Variants in GLRA1 observed in about 807,000 individuals in gnomAD.
The protein encoded by GLRA1 is glycine receptor subunit alpha-1.
In GLRA1, 37 loss-of-function variants were observed where a neutral mutation model predicts 48.3. The ratio of observed to expected loss-of-function variants is 0.77; its 90% CI spans 0.59 to 1.01. The LOEUF (loss-of-function observed/expected upper bound fraction) is 1.01. GLRA1 is among the 50% of genes least tolerant of loss of function. The probability of loss-of-function intolerance (pLI) is 0.00; values close to 1 mark genes in which losing one functional copy is unlikely to be tolerated. For synonymous variants in GLRA1, 196 were observed against 210.7 expected, an observed-to-expected ratio of 0.93 and a Z score of 0.60; for missense variants, 427 against 571.0, an observed-to-expected ratio of 0.75 and a Z score of 2.57.
At chr5:151,895,325 A>G (rs1437721042) in intron 1 of GLRA1, among the ~76,000 whole-genome samples, 1 of 152,098 alleles carries the variant, frequency 6.6e-6, no homozygotes, top group East Asian at 1.9e-4. Context: ...GCTTCTGTAG[A>G]TGTATGTCTG....
chr5:151,922,983 G>T (rs1754917383), intron 1 of GLRA1, among the ~76,000 whole-genome samples: 1 of 152,186 alleles, frequency 6.6e-6, no homozygotes, highest in Non-Finnish European at 1.5e-5. Context: ...AGGGGATAAA[G>T]GATCTCATAT....
intron 7 of GLRA1, among the ~76,000 whole-genome samples, chr5:151,830,991 C>T (rs1763406733): frequency 6.6e-6 from 1 of 152,194 alleles, no homozygotes; most frequent in Non-Finnish European, 1.5e-5. Flanking sequence ...GTGCAGCCCA[C>T]AGAAGGTGAG....
intron 2 of GLRA1, among the ~76,000 whole-genome samples, chr5:151,890,521 T>G (rs183018981): frequency 6.6e-6 from 1 of 152,314 alleles, no homozygotes; most frequent in East Asian, 1.9e-4. Context: ...AGTGTTTGAT[T>G]TGGCCAACAG....
At chr5:151,871,991 A>C (rs1354353981) in intron 3 of GLRA1, among the ~76,000 whole-genome samples, 1 of 149,862 alleles carries the variant, frequency 6.7e-6, no homozygotes, top group Non-Finnish European at 1.5e-5. Context: ...CAGACATAGA[A>C]ATATAATGAG....
chr5:151,914,056 T>A (rs1393607803), intron 1 of GLRA1, among the ~76,000 whole-genome samples: 3 of 152,238 alleles, frequency 2.0e-5, no homozygotes, highest in Non-Finnish European at 1.5e-5. Flanking sequence ...CAAATATGTA[T>A]TTGTAGTGTA....
At chr5:151,900,220 A>T (rs532766707) in intron 1 of GLRA1, among the ~76,000 whole-genome samples, 1 of 152,006 alleles carries the variant, frequency 6.6e-6, no homozygotes, top group African/African-American at 2.4e-5. Flanking sequence ...ATAAATGCCA[A>T]CCCTGCACTT....
At chr5:151,825,660 T>C (rs942586051) in intron 8 of GLRA1, among the ~76,000 whole-genome samples, 1 of 152,200 alleles carries the variant, frequency 6.6e-6, no homozygotes, top group African/African-American at 2.4e-5. Context: ...GTATGCCTGC[T>C]GAGTCTGGTG....
chr5:151,909,114 T>A (rs1408502763), intron 1 of GLRA1, among the ~76,000 whole-genome samples: 2 of 152,202 alleles, frequency 1.3e-5, no homozygotes, highest in African/African-American at 4.8e-5. Flanking sequence ...TAAATATATG[T>A]TATTCATATT....
At position 151,924,802 on chromosome 5, in the gene GLRA1, G is replaced by C. The variant is rs1279347843; in HGVS notation, c.-253C>G. The stretch of plus-strand genomic sequence containing the variant: ...GACCTGCTTTTCAGGAGCGCGAAGA[G>C]TATTGCTGTTTGTTAAACTCCAGCG... On this transcript the variant is annotated 5_prime_UTR_variant, in exon 1 of 9. Transcript: ENST00000274576. 3.6e-6 allele frequency: 2 copies of C among 554,434 alleles called. No homozygotes were observed. The highest frequency in any genetic ancestry group is 6.5e-6 in the Non-Finnish European group (2 of 308,116). The allele number at this position is 554,434 out of a possible 1,614,324, so 34.3% of individuals were successfully genotyped here. A position where few individuals can be genotyped will look rare whatever the true frequency, so the allele number is the denominator to read the frequency against.
chr5:151,852,959 A>G (rs935003398), intron 6 of GLRA1, among the ~76,000 whole-genome samples: 1 of 152,224 alleles, frequency 6.6e-6, no homozygotes, highest in African/African-American at 2.4e-5. Flanking sequence ...AAGATGGAGG[A>G]CATTTTTATA....
intron 4 of GLRA1, 58 bp from the exon 5 acceptor site, chr5:151,856,441 T>A: frequency 9.3e-7 from 1 of 1,076,798 alleles, no homozygotes; most frequent in Non-Finnish European, 1.4e-6. Context: ...AGGCTGTGCC[T>A]CTATTCTAGT....
intron 8 of GLRA1, among the ~76,000 whole-genome samples, chr5:151,826,766 G>A (rs776224755): frequency 6.6e-6 from 1 of 152,148 alleles, no homozygotes; most frequent in African/African-American, 2.4e-5. Flanking sequence ...GCCTTTGAAA[G>A]TACCATAGGC....
intron 3 of GLRA1, among the ~76,000 whole-genome samples, chr5:151,865,780 C>T (rs550398028): frequency 7.2e-5 from 11 of 152,048 alleles, no homozygotes; most frequent in Non-Finnish European, 1.3e-4. Flanking sequence ...GAGCGAGAGA[C>T]GGAGAATGTA....
At chr5:151,885,664 G>A (rs1010548374) in intron 3 of GLRA1, among the ~76,000 whole-genome samples, 24 of 152,222 alleles carry the variant, frequency 1.6e-4, no homozygotes, top group Admixed American at 1.1e-3. Context: ...CCTGGCTGGA[G>A]AGCTGTAAGC....
rs764921483 is a variant in GLRA1, at chr5:151,859,765, T to C, written c.476+20A>G. ...AGACATGTTCTGAGCAGGGAGTGGGTGAACCTGGTCAGAACTCACCTGATG... is the reference window on the plus strand; with the variant it reads ...AGACATGTTCTGAGCAGGGAGTGGGCGAACCTGGTCAGAACTCACCTGATG... On this transcript the variant is annotated intron_variant, in intron 4 of 8. Coordinates refer to ENST00000274576, the MANE Select transcript of GLRA1 (RefSeq NM_000171.4). The C allele has an allele frequency of 2.7e-5, 41 of 1,537,966 alleles. No individual in the cohort carries two copies. The highest frequency in any genetic ancestry group is 3.2e-5 in the Non-Finnish European group (36 of 1,110,692).
chr5:151,917,266 G>A (rs898358619), intron 1 of GLRA1, among the ~76,000 whole-genome samples: 9 of 152,142 alleles, frequency 5.9e-5, no homozygotes, highest in Non-Finnish European at 1.2e-4. Flanking sequence ...CAGACCTCCT[G>A]AGTCAGAATC....
In GLRA1 at chr5:151,856,369, A is replaced by G. The variant is rs775773817; in HGVS notation, c.491T>C (p.Leu164Pro). ...ATTCTTCAAGTCCATGGGGCAGGCC[A>G]GTGTCAGGGTGATTCTGGGAAGAGA... ...VLYSIRITLT[L>P]ACPMDLKNFP... The change falls in exon 5 of 9, where the codon CTG becomes CCG. Residue 164 changes from leucine (L) to proline (P), a missense_variant. Leu to Pro is a moderately conservative substitution (Grantham distance 98, BLOSUM62 -3). Transcript: ENST00000274576. The G allele has an allele frequency of 6.2e-7, 1 of 1,610,564 alleles. No homozygotes were observed. Among genetic ancestry groups the G allele is most frequent in the South Asian group, 1.1e-5 (1 of 91,016 alleles).
chr5:151,879,603 G>A (rs1753712258), intron 3 of GLRA1, among the ~76,000 whole-genome samples: 1 of 152,040 alleles, frequency 6.6e-6, no homozygotes, highest in Admixed American at 6.6e-5. Flanking sequence ...CGCCCACCTC[G>A]GCCTCCCAAA....
chr5:151,903,160 G>T (rs977581136), intron 1 of GLRA1, among the ~76,000 whole-genome samples: 2 of 152,214 alleles, frequency 1.3e-5, no homozygotes, highest in African/African-American at 4.8e-5. Context: ...AGTTTTCATA[G>T]GAGTGGAGCT....
Sources: allele counts gnomAD v4.1 joint callset (sites outside exome capture counted in the v4.1 genomes callset), GRCh38; gene constraint gnomAD v4.1.1; transcripts MANE v1.5; gene names NCBI Gene and HGNC (gene_info 2026-07-23, HGNC 2026-07-21).